The following NELL1 variants were observed in gnomAD, a reference collection of about 807,000 sequenced individuals.
NELL1 encodes the protein protein kinase C-binding protein NELL1.
In NELL1, 76 loss-of-function variants were observed where a neutral mutation model predicts 107.4. That is an observed-to-expected ratio of 0.71 (90% confidence interval 0.59 to 0.86). The LOEUF is 0.86. Among genes scored for constraint, NELL1 ranks in the 40% least tolerant of loss-of-function variants. NELL1 has a pLI of 0.00. For missense variants in NELL1, 1,024 were observed against 1,005.5 expected (o/e 1.02, Z -0.25); for synonymous variants, 353 against 341.2 (o/e 1.03, Z -0.38).
At chr11:21,427,737 T>C (rs2133829847) in intron 15 of NELL1, among the ~76,000 whole-genome samples, 1 of 152,154 alleles carries the variant, frequency 6.6e-6, no homozygotes, top group Non-Finnish European at 1.5e-5. Context: ...AAAATGTTGG[T>C]TTCTTTTCCT....
At chr11:21,167,511 A>G (rs1221342756) in intron 13 of NELL1, among the ~76,000 whole-genome samples, 1 of 151,864 alleles carries the variant, frequency 6.6e-6, no homozygotes, top group Non-Finnish European at 1.5e-5. Flanking sequence ...ATGTTAAGAA[A>G]TAGGGAACTT....
chr11:20,847,743 G>A lies in NELL1; in HGVS notation c.496G>A (p.Asp166Asn), dbSNP rs781412709. The change falls in exon 4 of 20, where the codon GAC (aspartate) becomes AAC (asparagine). Residue 166 changes from aspartate (D) to asparagine (N), a missense_variant. Transcript: ENST00000357134. ...CGCCTCTCATCTCCTGCTCCATGTC[G>A]ACTGTAACAGGTATTTCTTTGTCTT... ...VSASHLLLHV[D>N]CNRIYERVID... 7 of 1,610,236 alleles carry A rather than the reference G, an allele frequency of 4.3e-6. No individual in the cohort carries two copies. Among genetic ancestry groups the A allele is most frequent in the Admixed American group, 1.7e-5 (1 of 59,450 alleles).
chr11:21,226,337 C>G (rs1857892393), intron 13 of NELL1, among the ~76,000 whole-genome samples: 1 of 152,166 alleles, frequency 6.6e-6, no homozygotes. Flanking sequence ...ATCATTTCCA[C>G]ATTTCATGGT....
intron 15 of NELL1, among the ~76,000 whole-genome samples, chr11:21,455,556 A>G (rs1195067292): frequency 2.7e-5 from 4 of 150,868 alleles, no homozygotes; most frequent in Non-Finnish European, 5.9e-5. Flanking sequence ...CTGGTCTTGA[A>G]CTCCTGGGCT....
At chr11:20,860,798 G>A (rs1332352055) in intron 4 of NELL1, among the ~76,000 whole-genome samples, 3 of 152,176 alleles carry the variant, frequency 2.0e-5, no homozygotes, top group South Asian at 4.1e-4. Flanking sequence ...CTGTGTCAGC[G>A]GGAGCTCTGG....
rs1854124338 is a variant in NELL1, at chr11:21,469,676, AG to A, written c.1646-64696del. Reference sequence around the variant, plus strand: ...TGCTAAGTTTAGGGAGGCAAAGATAAGGAATGTGATTTCAAATTGCTCAAAG... The same window carrying A: ...TGCTAAGTTTAGGGAGGCAAAGATAAGAATGTGATTTCAAATTGCTCAAAG... On this transcript the variant is annotated intron_variant, in intron 15 of 19. Coordinates refer to ENST00000357134, the MANE Select transcript of NELL1 (RefSeq NM_006157.5). Among the ~76,000 whole-genome samples the A allele has an allele frequency of 3.3e-5, 5 of 152,228 alleles. No individual in the cohort carries two copies. In the South Asian group the frequency reaches 1.0e-3, roughly 32 times the overall value.
chr11:20,860,187 A>T (rs1386822740), intron 4 of NELL1, among the ~76,000 whole-genome samples: 1 of 152,174 alleles, frequency 6.6e-6, no homozygotes, highest in Non-Finnish European at 1.5e-5. Context: ...GGCTAAAAGA[A>T]AGGGGCCTCT....
At chr11:21,555,002 C>T (rs150892588) in intron 16 of NELL1, among the ~76,000 whole-genome samples, 12 of 151,966 alleles carry the variant, frequency 7.9e-5, no homozygotes, top group East Asian at 1.9e-4. Flanking sequence ...AAGGACCAGA[C>T]GTGGAAACTT....
intron 12 of NELL1, among the ~76,000 whole-genome samples, chr11:21,001,903 C>T (rs945561644): frequency 1.3e-5 from 2 of 152,066 alleles, no homozygotes; most frequent in African/African-American, 2.4e-5. Context: ...ATGGAAACAG[C>T]CGTAGGCAGC....
chr11:21,371,010 G>A (rs1851348653), intron 15 of NELL1, 62 bp downstream of exon 15: 5 of 1,197,394 alleles, frequency 4.2e-6, no homozygotes, highest in Non-Finnish European at 6.1e-6. Flanking sequence ...GATTCAGAAA[G>A]AATAACAGCT....
chr11:20,690,693 G>A (rs36142606), intron 2 of NELL1, among the ~76,000 whole-genome samples: 30,083 of 151,472 alleles, frequency 0.2, 3,229 homozygotes, highest in African/African-American at 0.24. Context: ...TAGCCTTGTA[G>A]CATAGTTTGA....
At chr11:21,537,007 G>A (rs1407404777) in intron 16 of NELL1, among the ~76,000 whole-genome samples, 1 of 151,234 alleles carries the variant, frequency 6.6e-6, no homozygotes. Flanking sequence ...AAAGGAAAAT[G>A]TCAGTGAACT....
intron 15 of NELL1, among the ~76,000 whole-genome samples, chr11:21,526,822 G>A (rs118005697): frequency 0.012 from 1,852 of 152,314 alleles, 40 homozygotes; most frequent in East Asian, 0.077. Context: ...CAGCAGAGGG[G>A]CCCTGGACTC....
intron 13 of NELL1, among the ~76,000 whole-genome samples, chr11:21,200,822 G>T (rs1444242771): frequency 1.3e-5 from 2 of 152,172 alleles, no homozygotes; most frequent in African/African-American, 4.8e-5. Context: ...AAGGTGTAAG[G>T]AAGGGGGTCC....
chr11:21,205,253 G>C (rs1857364153), intron 13 of NELL1, among the ~76,000 whole-genome samples: 1 of 152,144 alleles, frequency 6.6e-6, no homozygotes, highest in Non-Finnish European at 1.5e-5. Context: ...GGGAGATGGG[G>C]GTTTTATCTT....
chr11:21,474,002 G>T (rs956291067), intron 15 of NELL1, among the ~76,000 whole-genome samples: 2 of 151,990 alleles, frequency 1.3e-5, no homozygotes, highest in Admixed American at 6.6e-5. Flanking sequence ...TACGTACGAG[G>T]TACTATTTCT....
intron 11 of NELL1, among the ~76,000 whole-genome samples, chr11:20,957,860 G>A (rs1020118362): frequency 3.3e-5 from 5 of 151,998 alleles, no homozygotes; most frequent in African/African-American, 1.2e-4. Flanking sequence ...CACCATAAAG[G>A]AAAAGAAACA....
intron 13 of NELL1, among the ~76,000 whole-genome samples, chr11:21,167,704 G>T (rs2133808191): frequency 6.6e-6 from 1 of 151,858 alleles, no homozygotes; most frequent in East Asian, 1.9e-4. Context: ...CAGTTATGTT[G>T]GTCTTCTTTT....
At chr11:20,743,231 G>A (rs1473534674) in intron 2 of NELL1, among the ~76,000 whole-genome samples, 2 of 152,046 alleles carry the variant, frequency 1.3e-5, no homozygotes, top group African/African-American at 4.8e-5. Flanking sequence ...GCGCACACCT[G>A]TAATCCTAGC....
Sources: allele counts gnomAD v4.1 joint callset (sites outside exome capture counted in the v4.1 genomes callset), GRCh38; gene constraint gnomAD v4.1.1; transcripts MANE v1.5; gene names NCBI Gene and HGNC (gene_info 2026-07-23, HGNC 2026-07-21).